KIF6: variants seen among roughly 807,000 people sequenced by gnomAD.
KIF6 encodes the protein kinesin family member 6, also known as kinesin-like protein KIF6.
KIF6 carries 106 observed loss-of-function variants against 112.7 expected under a neutral mutation model. The ratio of observed to expected loss-of-function variants is 0.94; its 90% CI spans 0.80 to 1.11. The LOEUF (loss-of-function observed/expected upper bound fraction) is 1.11. Among genes scored for constraint, KIF6 ranks in the 50% least tolerant of loss-of-function variants. KIF6 has a pLI of 0.00. For synonymous variants in KIF6, 339 were observed against 339.9 expected, an observed-to-expected ratio of 1.00 and a Z score of 0.03; for missense variants, 929 against 964.0, an observed-to-expected ratio of 0.96 and a Z score of 0.48.
intron 3 of KIF6, among the ~76,000 whole-genome samples, chr6:39,674,034 A>G (rs892814039): frequency 1.3e-5 from 2 of 152,186 alleles, no homozygotes; most frequent in Non-Finnish European, 1.5e-5. Context: ...AAGGTTTAGA[A>G]AAGAAAGGGA....
At chr6:39,584,756 T>C in intron 9 of KIF6, 142 bp downstream of exon 9, 1 of 540,758 alleles carries the variant, frequency 1.8e-6, no homozygotes, top group South Asian at 2.7e-5. Flanking sequence ...CATCTACTCA[T>C]AGGTTATTTA....
In KIF6 at chr6:39,360,546, G is replaced by T; in HGVS notation, c.1947-16C>A. 6.2e-7 allele frequency: 1 copy of T among 1,614,112 alleles called. No individual in the cohort carries two copies. The highest frequency in any genetic ancestry group is 1.7e-5 in the Admixed American group (1 of 60,018). On this transcript the variant is annotated splice_polypyrimidine_tract_variant and intron_variant, in intron 17 of 22. Transcript: ENST00000287152. Reference sequence around the variant, plus strand: ...TGTTTTATACCTGCGGTGGAATCGGGGAAGAGTCAGGGCACTGCTGTCTTG... The same window carrying T: ...TGTTTTATACCTGCGGTGGAATCGGTGAAGAGTCAGGGCACTGCTGTCTTG...
intron 13 of KIF6, among the ~76,000 whole-genome samples, chr6:39,537,185 T>G (rs1299633630): frequency 1.3e-5 from 2 of 152,178 alleles, no homozygotes; most frequent in East Asian, 1.9e-4. Context: ...TCACCACTCC[T>G]ATTCAACATA....
chr6:39,578,925 GT>G (rs1241758397), intron 9 of KIF6, among the ~76,000 whole-genome samples: 2 of 152,088 alleles, frequency 1.3e-5, no homozygotes, highest in Non-Finnish European at 2.9e-5. Context: ...TGTGGCTCTA[GT>G]TCATTAATTT....
chr6:39,477,942 T>C (rs1270117900), intron 13 of KIF6, among the ~76,000 whole-genome samples: 2 of 152,198 alleles, frequency 1.3e-5, no homozygotes, highest in South Asian at 2.1e-4. Flanking sequence ...GGGATATACA[T>C]ATATAGAAAG....
rs137950860 is a variant in KIF6, at chr6:39,660,180, G to T, written c.252-20423C>A. On this transcript the variant is annotated intron_variant, in intron 3 of 22. Transcript: ENST00000287152. ...TTTAAAAATTTCCAATAAAAAATGTGTTGAAGTTGTATTATTTATTCCCTC... is the reference window on the plus strand; with the variant it reads ...TTTAAAAATTTCCAATAAAAAATGTTTTGAAGTTGTATTATTTATTCCCTC... 8.7e-3 allele frequency among the ~76,000 whole-genome samples: 1,319 copies of T among 152,210 alleles called. 19 individuals are homozygous for T. Among genetic ancestry groups the T allele is most frequent in the African/African-American group, 0.03 (1,256 of 41,536 alleles).
chr6:39,435,550 C>T lies in KIF6; in HGVS notation c.1646-4389G>A, dbSNP rs555619027. On this transcript the variant is annotated intron_variant, in intron 13 of 22. Coordinates refer to ENST00000287152, the MANE Select transcript of KIF6 (RefSeq NM_145027.6). ...CCCCCAAACCTCCCCCATTTGAGCT[C>T]CAATATCTATTATACCACTCTGTAC... is the stretch of plus-strand genomic sequence containing the variant. Among the ~76,000 whole-genome samples, 5 of 151,192 alleles carry T rather than the reference C, an allele frequency of 3.3e-5. No homozygotes were observed. In the East Asian group the frequency reaches 9.8e-4, roughly 30 times the overall value.
At chr6:39,647,945 A>G (rs868062052) in intron 3 of KIF6, among the ~76,000 whole-genome samples, 35 of 151,766 alleles carry the variant, frequency 2.3e-4, no homozygotes, top group Non-Finnish European at 2.4e-4. Context: ...TCCTGAACTC[A>G]GGTGATCCAC....
At chr6:39,526,383 T>G (rs1319170770) in intron 13 of KIF6, among the ~76,000 whole-genome samples, 1 of 152,178 alleles carries the variant, frequency 6.6e-6, no homozygotes, top group Non-Finnish European at 1.5e-5. Context: ...CCCTCAACTA[T>G]CCAGTCCCTT....
rs1010629920 is a variant in KIF6, at chr6:39,428,385, C to T, written c.1754+2668G>A. 8.5e-5 allele frequency among the ~76,000 whole-genome samples: 13 copies of T among 152,278 alleles called. No homozygotes were observed. The East Asian group carries it at 1.5e-3, about 18-fold the overall frequency. Reference sequence around the variant, plus strand: ...ACAGACAAGGTATCCTGCCCCAACACGTCCAACTAGCCATATTAAAAATTC... The same window carrying T: ...ACAGACAAGGTATCCTGCCCCAACATGTCCAACTAGCCATATTAAAAATTC... On this transcript the variant is annotated intron_variant, in intron 14 of 22. Transcript: ENST00000287152.
chr6:39,437,258 A>G (rs1771590252), intron 13 of KIF6, among the ~76,000 whole-genome samples: 1 of 152,210 alleles, frequency 6.6e-6, no homozygotes, highest in African/African-American at 2.4e-5. Context: ...CAAATCTAGC[A>G]ATCTTTCAGA....
Position 39,586,240 on chromosome 6 carries a change from C to T in KIF6, c.990+21G>A, listed in dbSNP as rs752410800. On this transcript the variant is annotated intron_variant, in intron 8 of 22. Transcript: ENST00000287152. ...CAGTAAAAACCTAGATTAAGATCTCCAGAAAGAAGAGCCCACATACATCAA... is the reference window on the plus strand; with the variant it reads ...CAGTAAAAACCTAGATTAAGATCTCTAGAAAGAAGAGCCCACATACATCAA... The T allele has an allele frequency of 5.6e-6, 9 of 1,613,340 alleles. 1 individual carries two copies. The South Asian group carries it at 8.8e-5, about 16-fold the overall frequency.
chr6:39,652,481 C>T (rs1167471272), intron 3 of KIF6, among the ~76,000 whole-genome samples: 4 of 151,298 alleles, frequency 2.6e-5, no homozygotes, highest in East Asian at 1.9e-4. Context: ...GAGCTGAGAT[C>T]GCACCATTGT....
At chr6:39,466,755 G>A (rs1310548011) in intron 13 of KIF6, among the ~76,000 whole-genome samples, 1 of 152,176 alleles carries the variant, frequency 6.6e-6, no homozygotes, top group African/African-American at 2.4e-5. Context: ...TGTAGGCCAG[G>A]CAAGAGCAAA....
chr6:39,438,265 C>T (rs1267697900), intron 13 of KIF6, among the ~76,000 whole-genome samples: 9 of 152,172 alleles, frequency 5.9e-5, no homozygotes, highest in Non-Finnish European at 1.2e-4. Flanking sequence ...TGAGCCACTG[C>T]GCCTGGCCTA....
At chr6:39,346,106 CCT>C (rs1562113123) in intron 20 of KIF6, among the ~76,000 whole-genome samples, 6 of 31,544 alleles carry the variant, frequency 1.9e-4, no homozygotes, top group Admixed American at 2.8e-4. Flanking sequence ...TCCCTCCCCC[CCT>C]CCCTCTCCCT....
intron 15 of KIF6, among the ~76,000 whole-genome samples, chr6:39,387,080 T>C (rs1767491335): frequency 6.6e-6 from 1 of 152,052 alleles, no homozygotes; most frequent in Non-Finnish European, 1.5e-5. Flanking sequence ...ATGGCAGAGG[T>C]CATTCAGTTC....
At chr6:39,685,771 T>C (rs1394244952) in intron 3 of KIF6, among the ~76,000 whole-genome samples, 1 of 152,202 alleles carries the variant, frequency 6.6e-6, no homozygotes, top group African/African-American at 2.4e-5. Context: ...CAACCCCACA[T>C]GGGGCACAGT....
intron 15 of KIF6, among the ~76,000 whole-genome samples, chr6:39,401,691 C>T (rs1768713928): frequency 1.3e-5 from 2 of 152,002 alleles, no homozygotes. Flanking sequence ...GAAAAATGCT[C>T]TCGGGGGAGT....
Sources: gnomAD v4.1 joint callset for allele counts (sites outside exome capture counted in the v4.1 genomes callset) on GRCh38, gnomAD v4.1.1 for gene constraint, MANE v1.5 for transcripts, NCBI Gene and HGNC (gene_info 2026-07-23, HGNC 2026-07-21) for gene names.